The following EIF1 variants were observed in gnomAD, a reference collection of about 807,000 sequenced individuals.
The protein encoded by EIF1 is eukaryotic translation initiation factor 1.
A neutral mutation model predicts 13.7 loss-of-function variants in EIF1; 4 were observed. That is an observed-to-expected ratio of 0.29 (90% CI 0.14 to 0.67). The LOEUF is 0.67. EIF1 is among the 30% of genes least tolerant of loss of function. The pLI is 0.77. For missense variants in EIF1, 64 were observed against 138.0 expected, an observed-to-expected ratio of 0.46 and a Z score of 2.69; for synonymous variants, 67 against 50.7, an observed-to-expected ratio of 1.32 and a Z score of -1.37.
chr17:41,689,006 G>A lies in EIF1; in HGVS notation c.-33G>A, dbSNP rs776619412. 1 of 1,612,406 alleles carries A rather than the reference G, an allele frequency of 6.2e-7. No homozygotes were observed. Among genetic ancestry groups the A allele is most frequent in the South Asian group, 1.1e-5 (1 of 91,074 alleles). Reference sequence around the variant, plus strand: ...CCACCGCCGCCGCCGCCTTCCGCAGGCCGTTTCCACCGAGGAAAAGGAATC... The same window carrying A: ...CCACCGCCGCCGCCGCCTTCCGCAGACCGTTTCCACCGAGGAAAAGGAATC... On this transcript the variant is annotated 5_prime_UTR_variant, in exon 1 of 4. Coordinates refer to ENST00000469257, the MANE Select transcript of EIF1 (RefSeq NM_005801.4).
intron 1 of EIF1, chr17:41,689,289 C>T (rs1177697525): frequency 1.1e-5 from 7 of 609,022 alleles, no homozygotes; most frequent in East Asian, 5.6e-5. Flanking sequence ...TGGGCGGGCC[C>T]GGCGTCTCAG....
In EIF1 at chr17:41,692,403, CAAGT is replaced by C. The variant is rs1177903152; in HGVS notation, c.*1580_*1583del. 6.6e-6 allele frequency: 1 copy of C among 152,168 alleles called. No homozygotes were observed. The highest frequency in any genetic ancestry group is 1.5e-5 in the Non-Finnish European group (1 of 68,038). 9.4% of individuals were successfully genotyped at this position (152,168 alleles called of 1,614,324 possible). ...ATCCCTTATGAAGGACAATGAATGGCAAGTAAAAGACCAAGTTCTGTTCCTGGGT... is the reference window on the plus strand; with the variant it reads ...ATCCCTTATGAAGGACAATGAATGGCAAAAGACCAAGTTCTGTTCCTGGGT... On this transcript the variant is annotated 3_prime_UTR_variant, in exon 4 of 4. Coordinates refer to ENST00000469257, the MANE Select transcript of EIF1 (RefSeq NM_005801.4).
chr17:41,689,334 G>T, intron 1 of EIF1: 1 of 574,202 alleles, frequency 1.7e-6, no homozygotes, highest in East Asian at 3.0e-5. Context: ...GGCCTCCTCG[G>T]GCCACACCCG....
chr17:41,689,375 T>C (rs1910298994), intron 1 of EIF1: 2 of 542,390 alleles, frequency 3.7e-6, no homozygotes, highest in East Asian at 3.2e-5. Flanking sequence ...TCACGTCCGT[T>C]ACGTCACCAC....
chr17:41,688,957 T>C lies in EIF1; in HGVS notation c.-82T>C. On this transcript the variant is annotated 5_prime_UTR_variant, in exon 1 of 4. Transcript: ENST00000469257. ...AGCCCCCTCGCTTCCCGACGTTCCG[T>C]TCCCCCCTGCCCGCCTTCTCCCGCC... The C allele has an allele frequency of 6.8e-7, 1 of 1,468,380 alleles. No individual in the cohort carries two copies. Among genetic ancestry groups the C allele is most frequent in the Non-Finnish European group, 9.5e-7 (1 of 1,056,348 alleles). 91.0% of individuals were successfully genotyped at this position (1,468,380 alleles called of 1,614,324 possible).
rs562670585 is a variant in EIF1 at position 41,689,438 on chromosome 17, G to A, written c.32-340G>A. 16 of 486,080 alleles carry A rather than the reference G, an allele frequency of 3.3e-5. 1 individual carries two copies. The highest frequency in any genetic ancestry group is 2.7e-4 in the Admixed American group (7 of 25,772). 30.1% of individuals were successfully genotyped at this position (486,080 alleles called of 1,614,324 possible). ...CGGTGCCAGCCCTAAGTGGCAAGCG[G>A]GTGCACCAATGGGGGTGGGAGGCTT... is the stretch of plus-strand genomic sequence containing the variant. On this transcript the variant is annotated intron_variant, in intron 1 of 3. Coordinates refer to ENST00000469257, the MANE Select transcript of EIF1 (RefSeq NM_005801.4).
Position 41,690,833 on chromosome 17 carries a change from G to A in EIF1, c.*7G>A, listed in dbSNP as rs1220035546. 1.2e-6 allele frequency: 2 copies of A among 1,613,324 alleles called. No homozygotes were observed. The highest frequency in any genetic ancestry group is 1.3e-5 in the African/African-American group (1 of 74,880). ...GAAGGTTCATGGGTTTTAAGTGCTT[G>A]TGGCTCACTGAAGCTTAAGTGAGGA... On this transcript the variant is annotated 3_prime_UTR_variant, in exon 4 of 4. Coordinates refer to ENST00000469257, the MANE Select transcript of EIF1 (RefSeq NM_005801.4).
At position 41,692,055 on chromosome 17, in the gene EIF1, CAA is replaced by C. The variant is rs1320035307; in HGVS notation, c.*1231_*1232del. 1 of 152,366 alleles carries C rather than the reference CAA, an allele frequency of 6.6e-6. No individual in the cohort carries two copies. The highest frequency in any genetic ancestry group is 1.9e-4 in the East Asian group (1 of 5,202). The allele number at this position is 152,366 out of a possible 1,614,324, so 9.4% of individuals were successfully genotyped here. On this transcript the variant is annotated 3_prime_UTR_variant, in exon 4 of 4. Coordinates refer to ENST00000469257, the MANE Select transcript of EIF1 (RefSeq NM_005801.4). ...AAGTGATCTGCCTGTCTTGGCCTCC[CAA>C]AGTGCTGGGATTACAGGCATGAGCC...
intron 2 of EIF1, 47 bp from the exon 3 acceptor site, chr17:41,690,041 C>G (rs1367814545): frequency 4.4e-6 from 7 of 1,608,136 alleles, no homozygotes; most frequent in East Asian, 2.2e-5. Flanking sequence ...GTGATAAATG[C>G]GTTCATGCTC....
intron 1 of EIF1, 155 bp downstream of exon 1, chr17:41,689,224 G>T (rs931871973): frequency 2.3e-6 from 2 of 888,508 alleles, no homozygotes; most frequent in East Asian, 5.1e-5. Flanking sequence ...CAAGGCCTGG[G>T]CCCCGGGGTC....
At chr17:41,690,359 C>T (rs1037487679) in intron 3 of EIF1, 170 bp downstream of exon 3, 13 of 590,650 alleles carry the variant, frequency 2.2e-5, no homozygotes, top group Non-Finnish European at 3.5e-5. Flanking sequence ...GCAGAAGGGA[C>T]TTGTCTACCT....
Position 41,688,940 on chromosome 17 carries a change from C to A in EIF1, c.-99C>A. ...CAGCAGCCTCCCCCTTGAGCCCCCT[C>A]GCTTCCCGACGTTCCGTTCCCCCCT... On this transcript the variant is annotated 5_prime_UTR_variant, in exon 1 of 4. Transcript: ENST00000469257. 7.7e-7 allele frequency: 1 copy of A among 1,293,526 alleles called. No homozygotes were observed. Among genetic ancestry groups the A allele is most frequent in the Non-Finnish European group, 1.1e-6 (1 of 909,170 alleles). 80.1% of individuals were successfully genotyped at this position (1,293,526 alleles called of 1,614,324 possible). A position where few individuals can be genotyped will look rare whatever the true frequency, so the allele number is the denominator to read the frequency against.
chr17:41,689,125 G>A lies in EIF1; in HGVS notation c.31+56G>A, dbSNP rs1910287168. 3.8e-6 allele frequency: 6 copies of A among 1,593,860 alleles called. No homozygotes were observed. The Middle Eastern group carries it at 5.0e-4, about 132-fold the overall frequency. ...TGGGGCAGCGGGGCCTTCCGGGCCC[G>A]GAGACGTGTTCCGGGAAGTTGCCAA... On this transcript the variant is annotated intron_variant, in intron 1 of 3. Transcript: ENST00000469257.
rs1018807539 is a variant in EIF1, at chr17:41,691,715, G to C, written c.*889G>C. 1 of 152,620 alleles carries C rather than the reference G, an allele frequency of 6.6e-6. No individual in the cohort carries two copies. Among genetic ancestry groups the C allele is most frequent in the African/African-American group, 2.4e-5 (1 of 41,448 alleles). The allele number at this position is 152,620 out of a possible 1,614,324, so 9.5% of individuals were successfully genotyped here. On this transcript the variant is annotated 3_prime_UTR_variant, in exon 4 of 4. Coordinates refer to ENST00000469257, the MANE Select transcript of EIF1 (RefSeq NM_005801.4). ...AAAGGAACCATAGAAATGGGCAGTG[G>C]AGGATTCGTCCACACCCACAGCTTC... is the stretch of plus-strand genomic sequence containing the variant.
At chr17:41,689,520 C>G (rs998938423) in intron 1 of EIF1, 1 of 476,102 alleles carries the variant, frequency 2.1e-6, no homozygotes, top group African/African-American at 2.0e-5. Context: ...TGGGGCACCG[C>G]CTGGCAGCCC....
Position 41,690,766 on chromosome 17 carries a change from C to T in EIF1, c.298-16C>T, listed in dbSNP as rs781287417. On this transcript the variant is annotated splice_polypyrimidine_tract_variant and intron_variant, in intron 3 of 3. Coordinates refer to ENST00000469257, the MANE Select transcript of EIF1 (RefSeq NM_005801.4). Reference sequence around the variant, plus strand: ...CCCTGTCCCCCATTTAAAACTTTGCCCTTTTGTCTTTTCAGATTGGACTGG... The same window carrying T: ...CCCTGTCCCCCATTTAAAACTTTGCTCTTTTGTCTTTTCAGATTGGACTGG... 10 of 1,613,742 alleles carry T rather than the reference C, an allele frequency of 6.2e-6. No individual in the cohort carries two copies. The highest frequency in any genetic ancestry group is 5.5e-5 in the South Asian group (5 of 91,080).
chr17:41,689,363 C>T (rs904725025), intron 1 of EIF1: 5 of 553,100 alleles, frequency 9.0e-6, no homozygotes, highest in East Asian at 6.2e-5. Context: ...GTCACCATTG[C>T]GTCACGTCCG....
intron 1 of EIF1, chr17:41,689,344 G>A (rs918011962): frequency 1.1e-5 from 6 of 566,246 alleles, no homozygotes; most frequent in East Asian, 3.0e-5. Flanking sequence ...GGCCACACCC[G>A]CCCCTCCCGT....
rs1397258483 is a variant in EIF1, at chr17:41,688,995, G to A, written c.-44G>A. The A allele has an allele frequency of 1.9e-6, 3 of 1,609,420 alleles. No homozygotes were observed. The highest frequency in any genetic ancestry group is 1.7e-6 in the Non-Finnish European group (2 of 1,178,038). On this transcript the variant is annotated 5_prime_UTR_variant, in exon 1 of 4. Coordinates refer to ENST00000469257, the MANE Select transcript of EIF1 (RefSeq NM_005801.4). The stretch of plus-strand genomic sequence containing the variant: ...GCCTTCTCCCGCCACCGCCGCCGCC[G>A]CCTTCCGCAGGCCGTTTCCACCGAG...
Sources: allele counts gnomAD v4.1 joint callset, GRCh38; gene constraint gnomAD v4.1.1; transcripts MANE v1.5; gene names NCBI Gene and HGNC (gene_info 2026-07-23, HGNC 2026-07-21).